Variants in CCDC191 observed in about 807,000 individuals in gnomAD.
The protein encoded by CCDC191 is coiled-coil domain containing 191.
A neutral mutation model predicts 114.0 loss-of-function variants in CCDC191; 99 were observed. That is an observed-to-expected ratio of 0.87 (90% confidence interval 0.74 to 1.03). The LOEUF is 1.03. CCDC191 is among the 50% of genes least tolerant of loss of function. CCDC191 has a pLI of 0.00. For synonymous variants in CCDC191, 351 were observed against 376.0 expected, an observed-to-expected ratio of 0.93 and a Z score of 0.77; for missense variants, 973 against 1,087.0, an observed-to-expected ratio of 0.90 and a Z score of 1.47.
chr3:114,041,294 G>A (rs908235841), intron 4 of CCDC191, among the ~76,000 whole-genome samples: 4 of 152,180 alleles, frequency 2.6e-5, no homozygotes, highest in Non-Finnish European at 4.4e-5. Flanking sequence ...TAAAAAAATT[G>A]TTGAGAGTAC....
rs775836695 is a variant in CCDC191 at position 114,035,078 on chromosome 3, G to A, written c.665C>T (p.Ser222Leu). 9.3e-6 allele frequency: 15 copies of A among 1,613,870 alleles called. No individual in the cohort carries two copies. Among genetic ancestry groups the A allele is most frequent in the South Asian group, 2.2e-5 (2 of 91,074 alleles). ...CAGACACTGAGCCTCCAAGAAGGCC[G>A]ATTTTTTCAGGGTCTTTTCTATTCT... ...YQRIEKTLKK[S>L]AFLEAQCLVQ... Residue 222 changes from serine (S) to leucine (L), a missense_variant, in exon 6 of 17, where the codon TCG becomes TTG. By Grantham distance (145) the Ser-to-Leu change is moderately radical. Coordinates refer to ENST00000295878, the MANE Select transcript of CCDC191 (RefSeq NM_020817.2).
chr3:114,022,285 G>C (rs997887935), intron 7 of CCDC191, among the ~76,000 whole-genome samples: 5 of 152,140 alleles, frequency 3.3e-5, no homozygotes, highest in East Asian at 3.8e-4. Context: ...TCACACTACT[G>C]TCACTAGGAA....
intron 7 of CCDC191, among the ~76,000 whole-genome samples, chr3:114,026,581 C>T (rs1457894878): frequency 6.6e-6 from 1 of 152,142 alleles, no homozygotes. Context: ...AATGGTTTTG[C>T]CTCAGTGGTG....
intron 8 of CCDC191, among the ~76,000 whole-genome samples, chr3:114,014,121 T>C (rs2076119002): frequency 6.6e-6 from 1 of 152,138 alleles, no homozygotes; most frequent in Non-Finnish European, 1.5e-5. Context: ...GTGATCTGAT[T>C]GAGTGCTGTA....
chr3:114,005,922 C>G lies in CCDC191; in HGVS notation c.1454G>C (p.Gly485Ala), dbSNP rs1220929010. The G allele has an allele frequency of 6.2e-7, 1 of 1,614,050 alleles. No individual in the cohort carries two copies. The highest frequency in any genetic ancestry group is 2.2e-5 in the East Asian group (1 of 44,880). The change falls in exon 10 of 17, where the codon GGA becomes GCA. Residue 485 changes from glycine to alanine, a missense_variant. Physicochemically the swap from Gly to Ala is moderately conservative, Grantham distance 60 (BLOSUM62 0). Transcript: ENST00000295878. ...VPPLWEKPPL[G>A]SSGCMLSPPL... ...AGGACTGAGCATACAACCACTGCTTCCCAAGGGAGGCTTTTCCCACAAAGG... is the reference window on the plus strand; with the variant it reads ...AGGACTGAGCATACAACCACTGCTTGCCAAGGGAGGCTTTTCCCACAAAGG...
intron 3 of CCDC191, among the ~76,000 whole-genome samples, chr3:114,043,128 A>G (rs1330977715): frequency 6.6e-6 from 1 of 152,210 alleles, no homozygotes; most frequent in Non-Finnish European, 1.5e-5. Context: ...GGTAAAAGAA[A>G]GCTTCACTGA....
At chr3:114,050,515 G>T (rs1041382565) in intron 2 of CCDC191, among the ~76,000 whole-genome samples, 1 of 152,196 alleles carries the variant, frequency 6.6e-6, no homozygotes, top group Non-Finnish European at 1.5e-5. Flanking sequence ...GGTAGGTAAG[G>T]GGGATTTGTC....
intron 13 of CCDC191, among the ~76,000 whole-genome samples, chr3:113,992,960 A>T (rs1236471020): frequency 6.6e-6 from 1 of 152,242 alleles, no homozygotes; most frequent in Non-Finnish European, 1.5e-5. Context: ...ATACACTATG[A>T]TCAAGTGGGA....
chr3:113,970,993 G>A (rs965720963), intron 16 of CCDC191, among the ~76,000 whole-genome samples: 11 of 152,236 alleles, frequency 7.2e-5, no homozygotes, highest in African/African-American at 2.6e-4. Context: ...TTGGTTCCAA[G>A]TCTTTGCTAT....
In CCDC191 at chr3:114,036,805, CAAAA is replaced by C; in HGVS notation, c.416-23_416-20del. 6.7e-7 allele frequency: 1 copy of C among 1,483,326 alleles called. No individual in the cohort carries two copies. Among genetic ancestry groups the C allele is most frequent in the East Asian group, 2.4e-5 (1 of 40,908 alleles). The allele number at this position is 1,483,326 out of a possible 1,614,324, so 91.9% of individuals were successfully genotyped here. On this transcript the variant is annotated intron_variant, in intron 4 of 16. Coordinates refer to ENST00000295878, the MANE Select transcript of CCDC191 (RefSeq NM_020817.2). ...CATAAATCTGGGGGAAACAGAACAA[CAAAA>C]AAGGGAATTTTTTTAAAAAATTAAT... is the stretch of plus-strand genomic sequence containing the variant.
At position 114,018,680 on chromosome 3, in the gene CCDC191, G is replaced by A; in HGVS notation, c.1161C>T (p.Asn387=). The part of the protein sequence containing the change: ...QALENDLREE[N]RKQQLATEYN... ...TTTCACAATACAAATAATGATACCT[G>A]TTTTCTTCCCTAAGATCATTTTCCA... Residue 387 remains asparagine, a splice_region_variant and synonymous_variant, in exon 8 of 17, where the codon AAC becomes AAT. Transcript: ENST00000295878. The A allele has an allele frequency of 6.2e-7, 1 of 1,608,392 alleles. No homozygotes were observed.
At chr3:113,987,842 G>C (rs1280249826) in intron 13 of CCDC191, among the ~76,000 whole-genome samples, 1 of 152,032 alleles carries the variant, frequency 6.6e-6, no homozygotes, top group Non-Finnish European at 1.5e-5. Context: ...AGGAATTTGA[G>C]ACCAGCCTGG....
At chr3:113,976,084 C>T (rs773378217) in intron 16 of CCDC191, among the ~76,000 whole-genome samples, 5 of 144,146 alleles carry the variant, frequency 3.5e-5, no homozygotes, top group South Asian at 2.3e-4. Context: ...TGGTAAAAAA[C>T]GCTGTCTCTA....
At chr3:113,993,833 C>G (rs2075644603) in intron 13 of CCDC191, among the ~76,000 whole-genome samples, 1 of 151,816 alleles carries the variant, frequency 6.6e-6, no homozygotes, top group South Asian at 2.1e-4. Flanking sequence ...TGCAGTGAGC[C>G]GAGATCGTGC....
intron 11 of CCDC191, 126 bp from the exon 12 acceptor site, chr3:114,002,664 T>C: frequency 1.6e-6 from 2 of 1,261,042 alleles, no homozygotes; most frequent in South Asian, 1.8e-5. Flanking sequence ...GTAAGTTGAA[T>C]GTTCACAATC....
intron 13 of CCDC191, 146 bp from the exon 14 acceptor site, chr3:113,980,939 C>T: frequency 1.4e-6 from 1 of 724,812 alleles, no homozygotes; most frequent in Non-Finnish European, 2.2e-6. Context: ...AGGGCTTTTT[C>T]TTTAAAAAAA....
At chr3:113,988,092 A>G (rs556433527) in intron 13 of CCDC191, among the ~76,000 whole-genome samples, 7 of 152,184 alleles carry the variant, frequency 4.6e-5, no homozygotes, top group Non-Finnish European at 1.0e-4. Flanking sequence ...AAAAAAACAC[A>G]ATAAAATAGA....
At chr3:113,971,244 T>C (rs1940795707) in intron 16 of CCDC191, among the ~76,000 whole-genome samples, 1 of 151,750 alleles carries the variant, frequency 6.6e-6, no homozygotes. Flanking sequence ...CCTGACTTTT[T>C]AATGATCGCC....
At chr3:113,975,018 A>G (rs1941192473) in intron 16 of CCDC191, among the ~76,000 whole-genome samples, 1 of 152,198 alleles carries the variant, frequency 6.6e-6, no homozygotes, top group Non-Finnish European at 1.5e-5. Flanking sequence ...TCACCAAGGT[A>G]AGGGTTCTTA....
Sources: allele counts gnomAD v4.1 joint callset (sites outside exome capture counted in the v4.1 genomes callset), GRCh38; gene constraint gnomAD v4.1.1; transcripts MANE v1.5; gene names NCBI Gene and HGNC (gene_info 2026-07-23, HGNC 2026-07-21).